The following RTL9 variants were observed in gnomAD, a reference collection of about 807,000 sequenced individuals.
RTL9 encodes retrotransposon Gag-like protein 9.
RTL9 carries 19 observed loss-of-function variants against 44.7 expected under a neutral mutation model. The ratio of observed to expected loss-of-function variants is 0.42; its 90% CI spans 0.30 to 0.62. The LOEUF is 0.62. Ranked by LOEUF, RTL9 falls within the 20% of genes least tolerant of loss-of-function variation. The pLI, the probability that RTL9 is intolerant of heterozygous loss-of-function variation, is 0.16. For synonymous variants in RTL9, 407 were observed against 398.9 expected (o/e 1.02, Z -0.24); for missense variants, 1,105 against 1,080.6 (o/e 1.02, Z -0.32).
chrX:110,451,493 G>A lies in RTL9; in HGVS notation c.876G>A (p.Gly292=), dbSNP rs775710758. ...AGCCAACAAGCACCCAAAACTCTGG[G>A]GGAATACCTACCCCGCTCATGTCAG... The change falls in exon 1 of 2, where the codon GGG becomes GGA. Residue 292 remains glycine, a synonymous_variant. Coordinates refer to ENST00000540313, the Ensembl canonical transcript of RTL9. 8 of 1,210,091 alleles carry A rather than the reference G, an allele frequency of 6.6e-6. No homozygotes were observed. The African/African-American group carries it at 1.4e-4, about 21-fold the overall frequency.
intron 1 of RTL9, among the ~76,000 whole-genome samples, chrX:110,391,069 A>G (rs1321665012): frequency 9.0e-6 from 1 of 111,518 alleles, no homozygotes; most frequent in Non-Finnish European, 1.9e-5. Flanking sequence ...CCTTCCTTCC[A>G]TGACTTTGGG....
intron 1 of RTL9, among the ~76,000 whole-genome samples, chrX:110,395,285 G>T (rs1165076270): frequency 8.9e-6 from 1 of 111,948 alleles, no homozygotes; most frequent in East Asian, 2.8e-4. Context: ...ACATTAAAGA[G>T]GACCATTGCA....
At chrX:110,368,561 T>C (rs1314278819) in intron 1 of RTL9, among the ~76,000 whole-genome samples, 1 of 112,486 alleles carries the variant, frequency 8.9e-6, no homozygotes, top group Admixed American at 9.4e-5. Flanking sequence ...TGACACTTTA[T>C]CAGTGATACT....
At chrX:110,362,616 A>C (rs2068271412) in intron 1 of RTL9, among the ~76,000 whole-genome samples, 2 of 111,753 alleles carry the variant, frequency 1.8e-5, no homozygotes, top group Admixed American at 9.5e-5. Flanking sequence ...GTTCTGAAAA[A>C]CTTCAGCTTT....
intron 1 of RTL9, among the ~76,000 whole-genome samples, chrX:110,411,405 G>A (rs756405568): frequency 2.1e-4 from 24 of 111,653 alleles, no homozygotes; most frequent in Non-Finnish European, 3.8e-4. Flanking sequence ...TGTGACAACC[G>A]GCCTGCCACC....
At chrX:110,419,290 C>T in intron 1 of RTL9, among the ~76,000 whole-genome samples, 1 of 112,420 alleles carries the variant, frequency 8.9e-6, no homozygotes, top group Middle Eastern at 4.6e-3. Context: ...GCCCCAGGGC[C>T]TTTGTTCGTG....
chrX:110,411,696 A>G (rs1166291867), intron 1 of RTL9, among the ~76,000 whole-genome samples: 1 of 112,464 alleles, frequency 8.9e-6, no homozygotes, highest in Non-Finnish European at 1.9e-5. Flanking sequence ...CACAACATAG[A>G]AGGAAGACAA....
At chrX:110,418,422 G>GC (rs2068693585), upstream of RTL9, among the ~76,000 whole-genome samples, 1 of 111,958 alleles carries the variant, frequency 8.9e-6, no homozygotes, top group Non-Finnish European at 1.9e-5. Flanking sequence ...TGTGCCGATG[G>GC]CCCCCGTGTG....
At chrX:110,374,304 A>AC (rs202164859) in intron 1 of RTL9, among the ~76,000 whole-genome samples, 4,277 of 111,922 alleles carry the variant, frequency 0.038, 154 homozygotes, top group African/African-American at 0.11. Flanking sequence ...AGATTCCTAA[A>AC]ATGGAATTTC....
At chrX:110,432,465 C>T (rs780957161) in intron 1 of RTL9, among the ~76,000 whole-genome samples, 5 of 112,124 alleles carry the variant, frequency 4.5e-5, no homozygotes, top group African/African-American at 6.5e-5. Context: ...CTGGAGAAGG[C>T]GCTGTCTGGC....
intron 2 of RTL9, 74 bp downstream of exon 2, chrX:110,445,342 C>T: frequency 8.9e-6 from 1 of 112,484 alleles, no homozygotes; most frequent in East Asian, 2.8e-4. Flanking sequence ...AAAAAAGCCA[C>T]TTTGTTTGTT....
At chrX:110,412,353 C>A (rs1423578975) in intron 1 of RTL9, among the ~76,000 whole-genome samples, 1 of 112,309 alleles carries the variant, frequency 8.9e-6, no homozygotes, top group African/African-American at 3.2e-5. Context: ...ATTGAAAAAA[C>A]TAAATGACCT....
At chrX:110,449,240 A>C (rs1156586744), upstream of RTL9, among the ~76,000 whole-genome samples, 1 of 111,865 alleles carries the variant, frequency 8.9e-6, no homozygotes, top group Non-Finnish European at 1.9e-5. Context: ...TTGTAAGATA[A>C]AGGAAGAGTA....
chrX:110,372,811 T>A (rs894489283), intron 1 of RTL9, among the ~76,000 whole-genome samples: 2 of 111,269 alleles, frequency 1.8e-5, no homozygotes, highest in Non-Finnish European at 3.8e-5. Flanking sequence ...GAGCATAAAT[T>A]GACATTTCAC....
At chrX:110,420,607 A>G (rs1191631127) in intron 1 of RTL9, among the ~76,000 whole-genome samples, 1 of 112,153 alleles carries the variant, frequency 8.9e-6, no homozygotes, top group East Asian at 2.8e-4. Context: ...ACAAACTTTC[A>G]GTGTTCCAAT....
intron 1 of RTL9, among the ~76,000 whole-genome samples, chrX:110,431,307 G>GA (rs2068794351): frequency 9.8e-6 from 1 of 102,365 alleles, no homozygotes; most frequent in South Asian, 4.3e-4. Flanking sequence ...TCATGAGAAG[G>GA]AAAATGAGGG....
At chrX:110,386,136 G>T (rs1000599925) in intron 1 of RTL9, among the ~76,000 whole-genome samples, 4 of 109,975 alleles carry the variant, frequency 3.6e-5, no homozygotes, top group African/African-American at 1.3e-4. Flanking sequence ...AAATCTCTTG[G>T]GTATATATCT....
At chrX:110,412,534 G>A (rs746944433) in intron 1 of RTL9, among the ~76,000 whole-genome samples, 2 of 111,864 alleles carry the variant, frequency 1.8e-5, no homozygotes, top group Non-Finnish European at 3.8e-5. Context: ...TCTCTGTGCC[G>A]TTTCTCATCT....
intron 1 of RTL9, among the ~76,000 whole-genome samples, chrX:110,378,147 T>G (rs982814955): frequency 8.9e-6 from 1 of 112,153 alleles, no homozygotes; most frequent in Non-Finnish European, 1.9e-5. Flanking sequence ...CTGCCCATTT[T>G]TTTGGCTACA....
Sources: allele counts gnomAD v4.1 joint callset (sites outside exome capture counted in the v4.1 genomes callset), GRCh38; gene constraint gnomAD v4.1.1; transcripts MANE v1.5; gene names NCBI Gene and HGNC (gene_info 2026-07-23, HGNC 2026-07-21).